The following DIP2B variants were observed in gnomAD, a reference collection of about 807,000 sequenced individuals.
DIP2B encodes disco-interacting protein 2 homolog B.
A neutral mutation model predicts 198.0 loss-of-function variants in DIP2B; 76 were observed. That is an observed-to-expected ratio of 0.38 (90% CI 0.32 to 0.46). The LOEUF (loss-of-function observed/expected upper bound fraction) is 0.46. Among genes scored for constraint, DIP2B ranks in the 20% least tolerant of loss-of-function variants. The pLI, the probability that DIP2B is intolerant of heterozygous loss-of-function variation, is 0.99. For synonymous variants in DIP2B, 701 were observed against 739.1 expected (o/e 0.95, Z 0.84); for missense variants, 1,559 against 1,978.4 (o/e 0.79, Z 4.02).
chr12:50,678,718 G>T lies in DIP2B; in HGVS notation c.956G>T (p.Arg319Leu), dbSNP rs757086576. Residue 319 changes from arginine to leucine, a missense_variant, in exon 8 of 38, where the codon CGG (arginine) becomes CTG (leucine). Coordinates refer to ENST00000301180, the MANE Select transcript of DIP2B (RefSeq NM_173602.3). ...PDPNQPKPEG[R>L]QMTPVKGEPL... ...CCCAACCAGCCCAAGCCGGAGGGAC[G>T]GCAGATGACCCCTGTGAAAGGAGAG... is the stretch of plus-strand genomic sequence containing the variant. The T allele has an allele frequency of 5.0e-6, 8 of 1,614,164 alleles. No individual in the cohort carries two copies. The South Asian group carries it at 8.8e-5, about 18-fold the overall frequency.
intron 12 of DIP2B, 76 bp from the exon 13 acceptor site, chr12:50,690,973 G>T: frequency 1.5e-6 from 2 of 1,302,324 alleles, no homozygotes; most frequent in East Asian, 2.3e-5. Flanking sequence ...TCTGGGTTTT[G>T]TTTTTGGATT....
chr12:50,611,784 G>C (rs1294244777), intron 1 of DIP2B, among the ~76,000 whole-genome samples: 1 of 151,932 alleles, frequency 6.6e-6, no homozygotes, highest in Non-Finnish European at 1.5e-5. Context: ...CCCCTCTCTC[G>C]GGCTTTTAGC....
At chr12:50,740,754 C>T (rs1940227151) in intron 36 of DIP2B, among the ~76,000 whole-genome samples, 1 of 152,334 alleles carries the variant, frequency 6.6e-6, no homozygotes, top group Non-Finnish European at 1.5e-5. Context: ...GACTAGTTTC[C>T]TCCATGTTCT....
intron 13 of DIP2B, among the ~76,000 whole-genome samples, 153 bp from the exon 14 acceptor site, chr12:50,692,796 C>T (rs1312240569): frequency 6.6e-6 from 1 of 152,134 alleles, no homozygotes; most frequent in Admixed American, 6.6e-5. Context: ...GAGATTGCAT[C>T]ACTGCACTCC....
chr12:50,521,991 T>G (rs1380397376), intron 1 of DIP2B, among the ~76,000 whole-genome samples: 1 of 151,350 alleles, frequency 6.6e-6, no homozygotes, highest in Non-Finnish European at 1.5e-5. Context: ...TTTTATTTTA[T>G]TATTGTATAT....
rs748386744 is a variant in DIP2B at position 50,714,547 on chromosome 12, C to T, written c.2802C>T (p.Cys934=). ...GSLHPCNILM[C]PHTCVTNLPK... The stretch of plus-strand genomic sequence containing the variant: ...TGCATCCTTGCAACATCCTCATGTG[C>T]CCCCATACATGTGTGACAAACTTGC... The change falls in exon 23 of 38, where the codon TGC becomes TGT. Residue 934 remains cysteine, a synonymous_variant. Transcript: ENST00000301180. 2 of 1,614,010 alleles carry T rather than the reference C, an allele frequency of 1.2e-6. No individual in the cohort carries two copies. The highest frequency in any genetic ancestry group is 1.7e-6 in the Non-Finnish European group (2 of 1,180,006).
chr12:50,566,101 G>A (rs752209601), intron 1 of DIP2B, among the ~76,000 whole-genome samples: 13 of 152,062 alleles, frequency 8.5e-5, no homozygotes, highest in Non-Finnish European at 1.8e-4. Flanking sequence ...GGAGTGCAGT[G>A]GCATGATTAT....
intron 19 of DIP2B, among the ~76,000 whole-genome samples, chr12:50,703,353 T>C (rs959227861): frequency 6.6e-6 from 1 of 151,954 alleles, no homozygotes; most frequent in Admixed American, 6.6e-5. Flanking sequence ...GAACCAGACA[T>C]TCTAGTATGA....
At chr12:50,666,496 A>G (rs879047463) in intron 4 of DIP2B, among the ~76,000 whole-genome samples, 2 of 152,222 alleles carry the variant, frequency 1.3e-5, no homozygotes, top group Non-Finnish European at 2.9e-5. Flanking sequence ...CAGCTTTTTA[A>G]AAAATGTATA....
intron 12 of DIP2B, 68 bp downstream of exon 12, chr12:50,686,750 A>C: frequency 6.9e-7 from 1 of 1,448,226 alleles, no homozygotes; most frequent in Non-Finnish European, 9.4e-7. Flanking sequence ...CTTTCAAAAT[A>C]TAAAACTGAA....
At chr12:50,568,041 G>C (rs1048825050) in intron 1 of DIP2B, among the ~76,000 whole-genome samples, 2 of 152,108 alleles carry the variant, frequency 1.3e-5, no homozygotes, top group African/African-American at 2.4e-5. Context: ...TAAGCATGGA[G>C]TCAACTTGGT....
chr12:50,708,001 AC>A (rs1359280551), intron 21 of DIP2B, among the ~76,000 whole-genome samples: 1 of 149,124 alleles, frequency 6.7e-6, no homozygotes, highest in Admixed American at 6.7e-5. Flanking sequence ...CTGCCCGGAA[AC>A]CTCTTCCTCC....
intron 1 of DIP2B, among the ~76,000 whole-genome samples, chr12:50,605,871 G>C (rs1166944352): frequency 6.6e-6 from 1 of 152,014 alleles, no homozygotes; most frequent in Non-Finnish European, 1.5e-5. Flanking sequence ...GCCCAGGCTG[G>C]AGTGCAGTAG....
At chr12:50,620,534 A>G (rs1182003550) in intron 1 of DIP2B, among the ~76,000 whole-genome samples, 29 of 152,136 alleles carry the variant, frequency 1.9e-4, no homozygotes, top group Non-Finnish European at 1.5e-5. Context: ...TCTTCATACA[A>G]GGCTCTATGC....
chr12:50,633,423 A>G (rs1003446355), intron 2 of DIP2B: 3 of 152,222 alleles, frequency 2.0e-5, no homozygotes, highest in African/African-American at 7.2e-5. Flanking sequence ...GAAGAATAAC[A>G]TGCAAAAAAT....
Position 50,744,824 on chromosome 12 carries a change from G to C in DIP2B, c.4716G>C (p.Val1572=), listed in dbSNP as rs979807011. ...FLADQLDPIY[V]AYNM The stretch of plus-strand genomic sequence containing the variant: ...CTGACCAGTTAGACCCCATCTACGT[G>C]GCTTATAACATGTAACCAGCCTTGT... The change falls in exon 38 of 38, where the codon GTG becomes GTC. Residue 1572 remains valine, a synonymous_variant. Coordinates refer to ENST00000301180, the MANE Select transcript of DIP2B (RefSeq NM_173602.3). 2 of 1,614,118 alleles carry C rather than the reference G, an allele frequency of 1.2e-6. No individual in the cohort carries two copies. Among genetic ancestry groups the C allele is most frequent in the Non-Finnish European group, 1.7e-6 (2 of 1,180,010 alleles).
chr12:50,640,936 GTCTTT>G (rs1938245936), intron 3 of DIP2B, 84 bp downstream of exon 3: 1 of 1,040,094 alleles, frequency 9.6e-7, no homozygotes, highest in Non-Finnish European at 1.3e-6. Flanking sequence ...TCTAATACTT[GTCTTT>G]TTTTTCCCTA....
chr12:50,662,221 T>C (rs1938661951), intron 4 of DIP2B, among the ~76,000 whole-genome samples: 1 of 152,160 alleles, frequency 6.6e-6, no homozygotes, highest in South Asian at 2.1e-4. Context: ...AATAAAAAGG[T>C]TCTGTACCCA....
rs761950112 is a variant in DIP2B, at chr12:50,741,368, C to T, written c.4355-48C>T. On this transcript the variant is annotated intron_variant, in intron 36 of 37. Transcript: ENST00000301180. Reference sequence around the variant, plus strand: ...TGCTGTGGACTCCAGTGTTATGTTGCACTCAGTATATGTCCAAGCCACATT... The same window carrying T: ...TGCTGTGGACTCCAGTGTTATGTTGTACTCAGTATATGTCCAAGCCACATT... 4.4e-6 allele frequency: 7 copies of T among 1,595,000 alleles called. No homozygotes were observed. In the South Asian group the frequency reaches 5.6e-5, roughly 13 times the overall value.
Sources: allele counts gnomAD v4.1 joint callset (sites outside exome capture counted in the v4.1 genomes callset), GRCh38; gene constraint gnomAD v4.1.1; transcripts MANE v1.5; gene names NCBI Gene and HGNC (gene_info 2026-07-23, HGNC 2026-07-21).